TAFA4: variants seen among roughly 807,000 people sequenced by gnomAD.
The protein encoded by TAFA4 is TAFA chemokine like family member 4, also known as chemokine-like protein TAFA-4.
TAFA4 carries 20 observed loss-of-function variants against 21.1 expected under a neutral mutation model. The observed-to-expected ratio is 0.95, with a 90% CI of 0.67 to 1.38. The LOEUF is 1.38. TAFA4 is among the 40% of genes most tolerant of loss of function. The pLI, the probability that TAFA4 is intolerant of heterozygous loss-of-function variation, is 0.00. For synonymous variants in TAFA4, 71 were observed against 67.4 expected (o/e 1.05, Z -0.26); for missense variants, 211 against 180.9 (o/e 1.17, Z -0.95).
intron 3 of TAFA4, among the ~76,000 whole-genome samples, chr3:68,784,056 A>G (rs1252176679): frequency 6.6e-6 from 1 of 152,258 alleles, no homozygotes; most frequent in Non-Finnish European, 1.5e-5. Context: ...GAAAAGGTTA[A>G]GAATCCAAAG....
chr3:68,737,451 G>C (rs545009424), intron 5 of TAFA4, among the ~76,000 whole-genome samples: 2 of 152,058 alleles, frequency 1.3e-5, no homozygotes, highest in Non-Finnish European at 2.9e-5. Flanking sequence ...ATATCAGATC[G>C]TTATCCCAGT....
rs74676656 is a variant in TAFA4, at chr3:68,848,626, A to G, written c.130+32104T>C. Among the ~76,000 whole-genome samples the G allele has an allele frequency of 2.7e-3, 414 of 152,308 alleles. 1 individual carries two copies. The highest frequency in any genetic ancestry group is 9.3e-3 in the African/African-American group (387 of 41,542). ...GTATAAATGGACAAGCATATTTAAT[A>G]TCATTACTTTCTTCCCAGTAGTCCC... On this transcript the variant is annotated intron_variant, in intron 3 of 5. Transcript: ENST00000295569.
intron 1 of TAFA4, among the ~76,000 whole-genome samples, chr3:68,930,328 G>A (rs1006617048): frequency 1.2e-4 from 18 of 152,096 alleles, no homozygotes; most frequent in African/African-American, 4.1e-4. Context: ...ATGTGCTAAG[G>A]GAACAAGTAA....
chr3:68,891,762 C>A (rs1559555278), intron 1 of TAFA4, among the ~76,000 whole-genome samples: 2 of 152,136 alleles, frequency 1.3e-5, no homozygotes, highest in Admixed American at 6.5e-5. Context: ...TAAGTGATGT[C>A]TTTCCATTCT....
intron 1 of TAFA4, among the ~76,000 whole-genome samples, chr3:68,896,939 T>C (rs569385867): frequency 2.3e-4 from 35 of 152,380 alleles, no homozygotes; most frequent in Admixed American, 1.2e-3. Flanking sequence ...AGTCTCAGTC[T>C]GTCACCCAGG....
intron 1 of TAFA4, among the ~76,000 whole-genome samples, chr3:68,930,224 G>A (rs945869625): frequency 2.6e-5 from 4 of 152,122 alleles, no homozygotes; most frequent in Admixed American, 6.5e-5. Context: ...AAATTCAAGT[G>A]ACCTAGGATA....
chr3:68,814,538 A>T (rs1703918360), intron 3 of TAFA4, among the ~76,000 whole-genome samples: 1 of 152,074 alleles, frequency 6.6e-6, no homozygotes, highest in Non-Finnish European at 1.5e-5. Context: ...CAGACAGCCA[A>T]ATCATGAGTG....
intron 1 of TAFA4, among the ~76,000 whole-genome samples, chr3:68,929,452 C>A (rs979626579): frequency 1.3e-5 from 2 of 152,180 alleles, no homozygotes; most frequent in African/African-American, 4.8e-5. Context: ...GCCTCCCAAT[C>A]ATTTATGATT....
At chr3:68,766,384 C>T (rs184922265) in intron 3 of TAFA4, among the ~76,000 whole-genome samples, 1 of 152,042 alleles carries the variant, frequency 6.6e-6, no homozygotes, top group African/African-American at 2.4e-5. Context: ...TACCACACAT[C>T]AAATCCAGGT....
rs1266236441 is a variant in TAFA4 at position 68,812,598 on chromosome 3, AG to A, written c.131-59581del. Among the ~76,000 whole-genome samples, 18 of 152,334 alleles carry A rather than the reference AG, an allele frequency of 1.2e-4. No homozygotes were observed. The South Asian group carries it at 2.3e-3, about 19-fold the overall frequency. ...AAAGAAGGCCATTACATAATGGTAA[AG>A]GGATCAATTTAACAAGAAGAGCTAA... On this transcript the variant is annotated intron_variant, in intron 3 of 5. Transcript: ENST00000295569.
At chr3:68,819,085 C>A (rs1704052823) in intron 3 of TAFA4, among the ~76,000 whole-genome samples, 2 of 152,060 alleles carry the variant, frequency 1.3e-5, no homozygotes, top group Non-Finnish European at 2.9e-5. Flanking sequence ...CCAGCCTGGG[C>A]AACATGGCGA....
chr3:68,869,320 CA>C, intron 3 of TAFA4, among the ~76,000 whole-genome samples: 1 of 151,612 alleles, frequency 6.6e-6, no homozygotes, highest in Admixed American at 6.6e-5. Context: ...TCAAACTATT[CA>C]AAAAAATGAA....
intron 1 of TAFA4, among the ~76,000 whole-genome samples, chr3:68,895,142 C>T (rs1311355301): frequency 6.6e-5 from 10 of 152,216 alleles, no homozygotes; most frequent in East Asian, 1.9e-4. Flanking sequence ...GGATTACAGG[C>T]GCCCGCCACC....
intron 1 of TAFA4, among the ~76,000 whole-genome samples, chr3:68,888,531 T>C (rs2089697371): frequency 6.6e-6 from 1 of 152,178 alleles, no homozygotes; most frequent in South Asian, 2.1e-4. Flanking sequence ...GTTATAGCAA[T>C]AACGCCATTC....
At chr3:68,868,917 A>G (rs1348296053) in intron 3 of TAFA4, among the ~76,000 whole-genome samples, 1 of 151,960 alleles carries the variant, frequency 6.6e-6, no homozygotes, top group African/African-American at 2.4e-5. Flanking sequence ...TTTAAAAAAT[A>G]CAAAAGATTA....
At chr3:68,847,051 G>A (rs1704820772) in intron 3 of TAFA4, among the ~76,000 whole-genome samples, 1 of 152,220 alleles carries the variant, frequency 6.6e-6, no homozygotes, top group African/African-American at 2.4e-5. Flanking sequence ...CACTGTGCTG[G>A]TAGATCTGCT....
chr3:68,732,803 G>C lies in TAFA4; in HGVS notation c.*339C>G. 3.6e-6 allele frequency: 1 copy of C among 278,168 alleles called. No individual in the cohort carries two copies. Among genetic ancestry groups the C allele is most frequent in the Non-Finnish European group, 6.7e-6 (1 of 149,704 alleles). The allele number at this position is 278,168 out of a possible 1,614,324, so 17.2% of individuals were successfully genotyped here. A position where few individuals can be genotyped will look rare whatever the true frequency, so the allele number is the denominator to read the frequency against. On this transcript the variant is annotated 3_prime_UTR_variant, in exon 6 of 6. Transcript: ENST00000295569. ...TTGGAACATACATCCAAGTTCTTTT[G>C]TAAAAGCAGAAAGAAAGTGAAGAAT...
At chr3:68,812,133 C>A (rs1407684755) in intron 3 of TAFA4, among the ~76,000 whole-genome samples, 3 of 152,168 alleles carry the variant, frequency 2.0e-5, no homozygotes, top group African/African-American at 7.2e-5. Flanking sequence ...CTGAGAGATT[C>A]TGTCACCACC....
At chr3:68,754,004 T>C (rs1702612608) in intron 3 of TAFA4, among the ~76,000 whole-genome samples, 1 of 152,206 alleles carries the variant, frequency 6.6e-6, no homozygotes, top group African/African-American at 2.4e-5. Context: ...AGTTGGCAAT[T>C]GCTGTTGTAA....
Sources: gnomAD v4.1 joint callset for allele counts (sites outside exome capture counted in the v4.1 genomes callset) on GRCh38, gnomAD v4.1.1 for gene constraint, MANE v1.5 for transcripts, NCBI Gene and HGNC (gene_info 2026-07-23, HGNC 2026-07-21) for gene names.